The following LITAF variants were observed in gnomAD, a reference collection of about 807,000 sequenced individuals.
LITAF encodes the protein lipopolysaccharide-induced tumor necrosis factor-alpha factor.
In LITAF, 9 loss-of-function variants were observed where a neutral mutation model predicts 14.5. That is an observed-to-expected ratio of 0.62 (90% confidence interval 0.37 to 1.08). The LOEUF is 1.08. Ranked by LOEUF, LITAF falls within the 50% of genes least tolerant of loss-of-function variation. The probability of loss-of-function intolerance (pLI) is 0.01; values close to 1 mark genes in which losing one functional copy is unlikely to be tolerated. For synonymous variants in LITAF, 98 were observed against 88.2 expected, an observed-to-expected ratio of 1.11 and a Z score of -0.62; for missense variants, 206 against 213.4, an observed-to-expected ratio of 0.97 and a Z score of 0.22.
upstream of LITAF, among the ~76,000 whole-genome samples, chr16:11,600,396 CCT>C (rs1047020115): frequency 2.6e-5 from 4 of 152,240 alleles, no homozygotes; most frequent in Non-Finnish European, 4.4e-5. This position sits in a 1 kb window ranked among gnomAD's most constrained non-coding sequence, Gnocchi z 4.1. Flanking sequence ...GTCCCAGATG[CCT>C]GGCATAGGCC....
At chr16:11,588,576 A>AAGAG (rs34091428), upstream of LITAF, among the ~76,000 whole-genome samples, 17,816 of 149,428 alleles carry the variant, frequency 0.12, 1,231 homozygotes, top group Non-Finnish European at 0.15. Flanking sequence ...AGGGAAAAGA[A>AAGAG]AGAGAAGGAA....
In LITAF at chr16:11,556,524, G is replaced by A; in HGVS notation, c.207C>T (p.Pro69=). ...PSYYTQPAPI[P]NNNPITVQTV... Reference sequence around the variant, plus strand: ...GGCCACACGTACTTGGATTGTTATTGGGGATGGGCGCTGGCTGGGTATAAT... The same window carrying A: ...GGCCACACGTACTTGGATTGTTATTAGGGATGGGCGCTGGCTGGGTATAAT... The change falls in exon 2 of 4, where the codon CCC becomes CCT. Residue 69 remains proline (P), a synonymous_variant. Transcript: ENST00000622633. The A allele has an allele frequency of 6.2e-7, 1 of 1,613,812 alleles. No individual in the cohort carries two copies. Among genetic ancestry groups the A allele is most frequent in the Non-Finnish European group, 8.5e-7 (1 of 1,179,728 alleles).
rs2065130404 is a variant in LITAF, at chr16:11,634,415, A to C, written c.-20-778T>G. 6.6e-6 allele frequency among the ~76,000 whole-genome samples: 1 copy of C among 152,234 alleles called. No homozygotes were observed. The highest frequency in any genetic ancestry group is 2.4e-5 in the African/African-American group (1 of 41,472). On this transcript the variant is annotated intron_variant, in intron 2 of 3. Coordinates refer to the LITAF transcript ENST00000574848. This position sits in a 1 kb window ranked among gnomAD's most constrained non-coding sequence, Gnocchi z 4.1. ...AAAAGGCCACCAGGTTACGAAGCTA[A>C]GGAATGAGAGAAAGCTAAATTCTGC...
intron 3 of LITAF, among the ~76,000 whole-genome samples, chr16:11,627,819 G>C (rs1400534656): frequency 5.9e-5 from 9 of 152,062 alleles, no homozygotes; most frequent in African/African-American, 2.2e-4. Flanking sequence ...GCTCCAGCCT[G>C]GGTAACAGAG....
upstream of LITAF, among the ~76,000 whole-genome samples, chr16:11,599,574 T>A (rs564904158): frequency 6.6e-6 from 1 of 152,230 alleles, no homozygotes; most frequent in East Asian, 1.9e-4. Flanking sequence ...AAAATGGTCC[T>A]AGCCAAGCAA....
intron 1 of LITAF, among the ~76,000 whole-genome samples, chr16:11,564,907 T>C (rs989509936): frequency 2.0e-5 from 3 of 151,408 alleles, no homozygotes; most frequent in Non-Finnish European, 4.4e-5. Flanking sequence ...TGGGAGGAAA[T>C]GGGTATGGGG....
chr16:11,626,958 G>T (rs12102283), intron 3 of LITAF, among the ~76,000 whole-genome samples: 8,768 of 151,668 alleles, frequency 0.058, 875 homozygotes, highest in African/African-American at 0.2. Flanking sequence ...TCCTCCCACC[G>T]CAGCCTCCCA....
At chr16:11,614,744 T>C (rs1327454898) in intron 3 of LITAF, among the ~76,000 whole-genome samples, 1 of 152,214 alleles carries the variant, frequency 6.6e-6, no homozygotes, top group Non-Finnish European at 1.5e-5. Context: ...ATCACAAGTA[T>C]GAATCAGTGT....
chr16:11,569,134 G>C (rs904760891), intron 1 of LITAF, among the ~76,000 whole-genome samples: 9 of 152,210 alleles, frequency 5.9e-5, no homozygotes, highest in African/African-American at 1.9e-4. Flanking sequence ...AGCTGAACAG[G>C]ACGCGGGGGC....
chr16:11,612,341 T>C (rs1451752377), intron 3 of LITAF, among the ~76,000 whole-genome samples: 1 of 152,170 alleles, frequency 6.6e-6, no homozygotes, highest in Non-Finnish European at 1.5e-5. Context: ...CTCATCATTC[T>C]TGTGAAAAGG....
rs1403054855 is a variant in LITAF at position 11,632,519 on chromosome 16, C to T, written c.85+1014G>A. Among the ~76,000 whole-genome samples, 2 of 152,238 alleles carry T rather than the reference C, an allele frequency of 1.3e-5. No homozygotes were observed. Among genetic ancestry groups the T allele is most frequent in the African/African-American group, 4.8e-5 (2 of 41,468 alleles). On this transcript the variant is annotated intron_variant, in intron 3 of 3. Transcript: ENST00000574848. The surrounding 1 kb of genome is among the most constrained non-coding windows in gnomAD (Gnocchi z 4.8). ...GTCCCAGCTCAGAACTAACAGCTACCCCTGACTCTGCGGGCCCAGAGCAGA... is the reference window on the plus strand; with the variant it reads ...GTCCCAGCTCAGAACTAACAGCTACTCCTGACTCTGCGGGCCCAGAGCAGA...
At chr16:11,626,958 G>C (rs12102283) in intron 3 of LITAF, among the ~76,000 whole-genome samples, 30 of 151,696 alleles carry the variant, frequency 2.0e-4, no homozygotes, top group African/African-American at 7.0e-4. Context: ...TCCTCCCACC[G>C]CAGCCTCCCA....
upstream of LITAF, among the ~76,000 whole-genome samples, chr16:11,591,645 A>G (rs2064846775): frequency 6.6e-6 from 1 of 152,200 alleles, no homozygotes; most frequent in Non-Finnish European, 1.5e-5. Context: ...ATGGAGAAAG[A>G]GTCTTTTTTT....
chr16:11,587,598 C>A (rs1045245288), upstream of LITAF: 6 of 272,506 alleles, frequency 2.2e-5, no homozygotes, highest in Non-Finnish European at 3.8e-5. Context: ...TATCAGCTGC[C>A]TGTCCGCTTT....
intron 3 of LITAF, among the ~76,000 whole-genome samples, chr16:11,621,257 T>G (rs933204728): frequency 3.3e-5 from 5 of 152,158 alleles, no homozygotes; most frequent in Admixed American, 3.3e-4. Flanking sequence ...AGGGACAGGA[T>G]TTCTCCATGT....
At chr16:11,638,206 C>A (rs1400302382), upstream of LITAF, among the ~76,000 whole-genome samples, 1 of 150,816 alleles carries the variant, frequency 6.6e-6, no homozygotes, top group Non-Finnish European at 1.5e-5. Context: ...CACCTCCTGG[C>A]CTCAGTTTTC....
rs2064801889 is a variant in LITAF at position 11,586,178 on chromosome 16, G to A, written c.-6+708C>T. On this transcript the variant is annotated intron_variant, in intron 1 of 3. Transcript: ENST00000622633. The surrounding 1 kb of genome is among the most constrained non-coding windows in gnomAD (Gnocchi z 6.5). ...CGGCGGTGGACGGTGAGCGGCGTCT[G>A]GGCCCAGAGCTGGGTGCCATCAGCA... 6.6e-6 allele frequency: 1 copy of A among 152,514 alleles called. No homozygotes were observed. Among genetic ancestry groups the A allele is most frequent in the African/African-American group, 2.4e-5 (1 of 41,576 alleles). The allele number at this position is 152,514 out of a possible 1,614,324, so 9.4% of individuals were successfully genotyped here. A position where few individuals can be genotyped will look rare whatever the true frequency, so the allele number is the denominator to read the frequency against.
intron 1 of LITAF, among the ~76,000 whole-genome samples, chr16:11,569,992 T>C (rs966984445): frequency 1.3e-5 from 2 of 149,436 alleles, no homozygotes; most frequent in South Asian, 4.2e-4. Context: ...GACGCACTGC[T>C]GCACTCCCGC....
chr16:11,598,180 G>C (rs1302877966), intron 1 of LITAF, among the ~76,000 whole-genome samples: 1 of 152,036 alleles, frequency 6.6e-6, no homozygotes, highest in Non-Finnish European at 1.5e-5. Flanking sequence ...TTACAGGCAT[G>C]AGCCTCTGTG....
Sources: allele counts gnomAD v4.1 joint callset (sites outside exome capture counted in the v4.1 genomes callset), GRCh38; gene constraint gnomAD v4.1.1; non-coding constraint Gnocchi (gnomAD v3.1); transcripts MANE v1.5; gene names NCBI Gene and HGNC (gene_info 2026-07-23, HGNC 2026-07-21).